The following SPOCK1 variants were observed in gnomAD, a reference collection of about 807,000 sequenced individuals.
SPOCK1 encodes testican-1.
Under a neutral mutation model 55.3 loss-of-function variants are expected in SPOCK1, and 23 were observed. The ratio of observed to expected loss-of-function variants is 0.42; its 90% CI spans 0.30 to 0.59. The LOEUF (loss-of-function observed/expected upper bound fraction) is 0.59. Among genes scored for constraint, SPOCK1 ranks in the 20% least tolerant of loss-of-function variants. The pLI, the probability that SPOCK1 is intolerant of heterozygous loss-of-function variation, is 0.22. For missense variants in SPOCK1, 499 were observed against 552.5 expected (o/e 0.90, Z 0.97); for synonymous variants, 226 against 221.0 (o/e 1.02, Z -0.20).
chr5:137,116,391 T>C (rs1375218050), intron 4 of SPOCK1, among the ~76,000 whole-genome samples: 3 of 152,184 alleles, frequency 2.0e-5, no homozygotes, highest in Admixed American at 6.5e-5. Flanking sequence ...ACGCCTAAAA[T>C]CCCAGCACTT....
At chr5:137,243,860 C>A (rs894669281) in intron 3 of SPOCK1, among the ~76,000 whole-genome samples, 1 of 152,198 alleles carries the variant, frequency 6.6e-6, no homozygotes, top group African/African-American at 2.4e-5. Flanking sequence ...TCACCCACCA[C>A]ACTGTTCCGC....
chr5:137,151,860 A>G (rs887834071), intron 3 of SPOCK1, among the ~76,000 whole-genome samples: 2 of 152,244 alleles, frequency 1.3e-5, no homozygotes, highest in African/African-American at 4.8e-5. Flanking sequence ...TTAAAATTAA[A>G]GCTGTTACTA....
intron 4 of SPOCK1, among the ~76,000 whole-genome samples, chr5:137,113,973 C>T (rs1753525072): frequency 6.6e-6 from 1 of 152,160 alleles, no homozygotes; most frequent in Non-Finnish European, 1.5e-5. Flanking sequence ...ATGCATAAAG[C>T]CAAGAGGACC....
intron 2 of SPOCK1, among the ~76,000 whole-genome samples, chr5:137,425,865 T>C (rs572483807): frequency 2.0e-5 from 3 of 152,020 alleles, no homozygotes; most frequent in South Asian, 4.1e-4. Flanking sequence ...TAAAAAGACA[T>C]TTCCTACTGC....
intron 3 of SPOCK1, among the ~76,000 whole-genome samples, chr5:137,149,644 GC>G (rs1754273673): frequency 6.6e-6 from 1 of 152,160 alleles, no homozygotes; most frequent in African/African-American, 2.4e-5. Context: ...AAAACATGGA[GC>G]TTTTCCCAGG....
intron 2 of SPOCK1, among the ~76,000 whole-genome samples, chr5:137,458,940 T>A (rs1390578721): frequency 1.3e-5 from 2 of 152,226 alleles, no homozygotes; most frequent in African/African-American, 4.8e-5. Context: ...TAAGTTGGAA[T>A]GATTTTACCA....
intron 2 of SPOCK1, among the ~76,000 whole-genome samples, chr5:137,464,199 G>A (rs1425785258): frequency 1.3e-5 from 2 of 152,088 alleles, no homozygotes; most frequent in Non-Finnish European, 2.9e-5. Flanking sequence ...TACTTGTGGG[G>A]GCTGAGGCAA....
intron 3 of SPOCK1, among the ~76,000 whole-genome samples, chr5:137,186,512 T>A (rs1018345046): frequency 3.3e-5 from 5 of 152,208 alleles, no homozygotes; most frequent in Admixed American, 2.0e-4. Flanking sequence ...CTGGACAAGA[T>A]AACATCAGTA....
chr5:137,238,188 A>G (rs756781846), intron 3 of SPOCK1, among the ~76,000 whole-genome samples: 3 of 152,242 alleles, frequency 2.0e-5, no homozygotes, highest in Admixed American at 6.5e-5. Flanking sequence ...ACACTAAACA[A>G]TTACTTCAGT....
At chr5:137,061,989 C>T (rs1481116056) in intron 6 of SPOCK1, among the ~76,000 whole-genome samples, 1 of 152,152 alleles carries the variant, frequency 6.6e-6, no homozygotes, top group Non-Finnish European at 1.5e-5. Flanking sequence ...GACCCAGGGT[C>T]AGGTGAGCTG....
At chr5:137,244,003 C>G (rs967954714) in intron 3 of SPOCK1, among the ~76,000 whole-genome samples, 1 of 152,266 alleles carries the variant, frequency 6.6e-6, no homozygotes, top group Non-Finnish European at 1.5e-5. Context: ...GCCCTCTTTC[C>G]CAACAGTGGT....
chr5:137,423,473 C>T (rs544911351), intron 2 of SPOCK1, among the ~76,000 whole-genome samples: 119 of 152,356 alleles, frequency 7.8e-4, no homozygotes, highest in African/African-American at 2.8e-3. Context: ...CTACTCAAGC[C>T]TCGGCAATGG....
intron 6 of SPOCK1, among the ~76,000 whole-genome samples, chr5:137,026,412 C>T (rs975389370): frequency 6.6e-5 from 10 of 152,162 alleles, no homozygotes; most frequent in East Asian, 1.9e-4. Context: ...TCCAATTACT[C>T]GAAGGCTTTA....
intron 2 of SPOCK1, among the ~76,000 whole-genome samples, chr5:137,319,727 T>C (rs890027402): frequency 1.3e-5 from 2 of 151,536 alleles, no homozygotes; most frequent in East Asian, 3.9e-4. Context: ...GGGTGGATCA[T>C]GAGGTCAGGA....
intron 6 of SPOCK1, among the ~76,000 whole-genome samples, chr5:137,021,554 T>A (rs1457059524): frequency 6.6e-6 from 1 of 152,204 alleles, no homozygotes; most frequent in Non-Finnish European, 1.5e-5. Context: ...AAAAATTACC[T>A]ATTTTATATT....
At chr5:137,134,937 GA>G (rs1753952885) in intron 4 of SPOCK1, among the ~76,000 whole-genome samples, 1 of 152,204 alleles carries the variant, frequency 6.6e-6, no homozygotes, top group Non-Finnish European at 1.5e-5. Context: ...ACTGTATCGA[GA>G]GCCTCGACTG....
At chr5:137,141,714 T>C (rs934875364) in intron 3 of SPOCK1, among the ~76,000 whole-genome samples, 4 of 152,114 alleles carry the variant, frequency 2.6e-5, no homozygotes, top group East Asian at 1.9e-4. Flanking sequence ...AAAGCAAAGA[T>C]AGAAAATGCA....
chr5:137,107,176 T>C (rs1345489542), intron 5 of SPOCK1, among the ~76,000 whole-genome samples: 1 of 152,230 alleles, frequency 6.6e-6, no homozygotes, highest in Non-Finnish European at 1.5e-5. Flanking sequence ...TTGTCTACCT[T>C]CCTTGTAAGT....
chr5:137,127,289 A>G (rs1753797578), intron 4 of SPOCK1, among the ~76,000 whole-genome samples: 1 of 152,228 alleles, frequency 6.6e-6, no homozygotes, highest in Non-Finnish European at 1.5e-5. Flanking sequence ...GCCACCACAG[A>G]AAGACCACAT....
Sources: gnomAD v4.1 joint callset for allele counts (sites outside exome capture counted in the v4.1 genomes callset) on GRCh38, gnomAD v4.1.1 for gene constraint, MANE v1.5 for transcripts, NCBI Gene and HGNC (gene_info 2026-07-23, HGNC 2026-07-21) for gene names.